Variants in RBFOX1 observed in about 807,000 individuals in gnomAD.
RBFOX1 encodes RNA binding protein fox-1 homolog 1.
A neutral mutation model predicts 57.7 loss-of-function variants in RBFOX1; 8 were observed. The observed-to-expected ratio is 0.14, with a 90% CI of 0.08 to 0.25. RBFOX1 has a LOEUF of 0.25. Ranked by LOEUF, RBFOX1 falls within the 10% of genes least tolerant of loss-of-function variation. The probability of loss-of-function intolerance (pLI) is 1.00; values close to 1 mark genes in which losing one functional copy is unlikely to be tolerated. For synonymous variants in RBFOX1, 326 were observed against 222.4 expected, an observed-to-expected ratio of 1.47 and a Z score of -4.15; for missense variants, 611 against 548.5, an observed-to-expected ratio of 1.11 and a Z score of -1.14.
intron 3 of RBFOX1, among the ~76,000 whole-genome samples, chr16:6,859,351 C>T (rs1230444269): frequency 6.6e-6 from 1 of 151,368 alleles, no homozygotes; most frequent in East Asian, 1.9e-4. Context: ...AAATTCTATG[C>T]AAAATTCTCT....
intron 3 of RBFOX1, among the ~76,000 whole-genome samples, chr16:6,866,408 A>C (rs886757827): frequency 1.3e-5 from 2 of 152,028 alleles, no homozygotes; most frequent in East Asian, 3.9e-4. Context: ...AACCTTATCC[A>C]TCATCTCCAT....
chr16:6,926,404 C>T (rs1307768257), intron 3 of RBFOX1, among the ~76,000 whole-genome samples: 1 of 152,210 alleles, frequency 6.6e-6, no homozygotes, highest in Non-Finnish European at 1.5e-5. Flanking sequence ...CACTGGGATC[C>T]TCACCACACA....
At chr16:6,556,820 T>C (rs1043654953) in intron 2 of RBFOX1, among the ~76,000 whole-genome samples, 1 of 151,968 alleles carries the variant, frequency 6.6e-6, no homozygotes, top group Non-Finnish European at 1.5e-5. Flanking sequence ...GCAGGTGTTA[T>C]GTTTTGACCC....
At chr16:6,472,034 C>T (rs74545848) in intron 2 of RBFOX1, among the ~76,000 whole-genome samples, 2,814 of 152,260 alleles carry the variant, frequency 0.018, 78 homozygotes, top group African/African-American at 0.062. Flanking sequence ...AGTTCTTTTC[C>T]CATCACCCCC....
chr16:7,250,915 T>A (rs777484367), intron 4 of RBFOX1, among the ~76,000 whole-genome samples: 1 of 152,248 alleles, frequency 6.6e-6, no homozygotes, highest in Non-Finnish European at 1.5e-5. Context: ...GGTATACATT[T>A]ATCATGTACA....
At chr16:6,636,445 C>G (rs754288790) in intron 2 of RBFOX1, among the ~76,000 whole-genome samples, 8 of 152,096 alleles carry the variant, frequency 5.3e-5, no homozygotes, top group Non-Finnish European at 1.0e-4. Context: ...GCTGGGATTA[C>G]AGGCGTGAGC....
chr16:7,215,121 A>G (rs1038479897), intron 4 of RBFOX1, among the ~76,000 whole-genome samples: 7 of 152,164 alleles, frequency 4.6e-5, no homozygotes, highest in Non-Finnish European at 4.4e-5. Flanking sequence ...ATGTGTTCTC[A>G]TTGTTCAACT....
chr16:7,330,185 G>A (rs1012207876), intron 4 of RBFOX1, among the ~76,000 whole-genome samples: 4 of 152,028 alleles, frequency 2.6e-5, no homozygotes, highest in Admixed American at 6.6e-5. Context: ...ACCAAAATCT[G>A]CAGATGCTCA....
In RBFOX1 at chr16:6,681,355, G is replaced by A. The variant is rs147475419; in HGVS notation, c.-16+26705G>A. 3.3e-5 allele frequency among the ~76,000 whole-genome samples: 5 copies of A among 152,278 alleles called. No homozygotes were observed. In the East Asian group the frequency reaches 7.7e-4, roughly 24 times the overall value. On this transcript the variant is annotated intron_variant, in intron 3 of 15. Coordinates refer to ENST00000550418, the MANE Select transcript of RBFOX1 (RefSeq NM_018723.4). ...AAAAATATATTTTGATCGCATCTTG[G>A]TTAAGTCTTTGCTACCTTGGTTAAA...
chr16:6,758,869 C>A (rs185879731), intron 3 of RBFOX1, among the ~76,000 whole-genome samples: 1 of 152,074 alleles, frequency 6.6e-6, no homozygotes, highest in African/African-American at 2.4e-5. Flanking sequence ...TAAGAAACCT[C>A]ATCCTAATAA....
intron 3 of RBFOX1, among the ~76,000 whole-genome samples, chr16:5,624,698 A>G (rs370297742): frequency 3.3e-5 from 5 of 152,244 alleles, no homozygotes; most frequent in Non-Finnish European, 7.3e-5. Context: ...TGCAATGCAT[A>G]TGCATCAGGC....
intron 3 of RBFOX1, among the ~76,000 whole-genome samples, chr16:6,935,753 T>C (rs2077260747): frequency 6.6e-6 from 1 of 152,132 alleles, no homozygotes; most frequent in Admixed American, 6.5e-5. Flanking sequence ...ATCAGAAGAA[T>C]GGAAAGTGCT....
chr16:7,158,390 G>T (rs1322485869), intron 4 of RBFOX1, among the ~76,000 whole-genome samples: 1 of 152,138 alleles, frequency 6.6e-6, no homozygotes, highest in Non-Finnish European at 1.5e-5. Context: ...CACAACCAGT[G>T]ATTGATCTTA....
chr16:7,701,646 C>G (rs1019784390), intron 14 of RBFOX1, among the ~76,000 whole-genome samples: 1 of 152,168 alleles, frequency 6.6e-6, no homozygotes, highest in African/African-American at 2.4e-5. Context: ...ACTTCAGTAT[C>G]TTGAGAAGCT....
chr16:6,674,629 G>A (rs1319501189), intron 3 of RBFOX1, among the ~76,000 whole-genome samples: 7 of 152,126 alleles, frequency 4.6e-5, no homozygotes, highest in Admixed American at 4.6e-4. Context: ...GCCCGAATGG[G>A]CTCTTATAAG....
At chr16:7,448,034 C>G (rs901981890) in intron 4 of RBFOX1, among the ~76,000 whole-genome samples, 1 of 152,176 alleles carries the variant, frequency 6.6e-6, no homozygotes, top group African/African-American at 2.4e-5. Context: ...TCTTCTGAAG[C>G]ATGTGAAAGT....
chr16:6,879,714 T>A (rs7498253), intron 3 of RBFOX1, among the ~76,000 whole-genome samples: 36,755 of 152,104 alleles, frequency 0.24, 4,586 homozygotes, highest in African/African-American at 0.28. Flanking sequence ...TTCTTTTCTG[T>A]GGAAGTAAAT....
At chr16:7,550,084 C>T (rs1423484314) in intron 5 of RBFOX1, among the ~76,000 whole-genome samples, 2 of 151,674 alleles carry the variant, frequency 1.3e-5, no homozygotes. Context: ...CACACAACAC[C>T]ATGCCTGGCT....
intron 4 of RBFOX1, among the ~76,000 whole-genome samples, chr16:7,453,714 C>T (rs1387254250): frequency 1.3e-5 from 2 of 152,170 alleles, no homozygotes; most frequent in Non-Finnish European, 2.9e-5. Context: ...AGACAGCATC[C>T]TTGCCTCTGA....
Sources: gnomAD v4.1 joint callset for allele counts (sites outside exome capture counted in the v4.1 genomes callset) on GRCh38, gnomAD v4.1.1 for gene constraint, MANE v1.5 for transcripts, NCBI Gene and HGNC (gene_info 2026-07-23, HGNC 2026-07-21) for gene names.